Variants in RPRD1B observed in about 807,000 individuals in gnomAD.
The protein encoded by RPRD1B is regulation of nuclear pre-mRNA domain-containing protein 1B.
In RPRD1B, 11 loss-of-function variants were observed where a neutral mutation model predicts 41.5. The observed-to-expected ratio is 0.27, with a 90% CI of 0.17 to 0.44. RPRD1B has a LOEUF of 0.44. RPRD1B is among the 20% of genes least tolerant of loss of function. The pLI is 1.00. For missense variants in RPRD1B, 248 were observed against 389.9 expected (o/e 0.64, Z 3.06); for synonymous variants, 158 against 155.6 (o/e 1.02, Z -0.12).
At chr20:38,062,831 C>T (rs1465677247) in intron 5 of RPRD1B, among the ~76,000 whole-genome samples, 3 of 93,014 alleles carry the variant, frequency 3.2e-5, no homozygotes, top group East Asian at 3.7e-4. Flanking sequence ...AGCCAGAGCC[C>T]CCCCCCCTTT....
chr20:38,062,489 A>G (rs969372114), intron 5 of RPRD1B, among the ~76,000 whole-genome samples: 5 of 152,056 alleles, frequency 3.3e-5, no homozygotes, highest in Non-Finnish European at 7.4e-5. Context: ...TCTGCCCCAC[A>G]CTGAACTTCT....
Position 38,056,450 on chromosome 20 carries a change from G to A in RPRD1B, c.416-1082G>A, listed in dbSNP as rs149356883. Among the ~76,000 whole-genome samples the A allele has an allele frequency of 3.2e-4, 49 of 152,308 alleles. 1 individual carries two copies. In the East Asian group the frequency reaches 7.7e-3, roughly 24 times the overall value. On this transcript the variant is annotated intron_variant, in intron 3 of 6. Transcript: ENST00000373433. ...GACCTGGCTTTCACTTCAAACGTGA[G>A]TTTGGTCAGTTAGTATATGATGTAT...
chr20:38,044,795 G>C (rs2074104924), intron 2 of RPRD1B, among the ~76,000 whole-genome samples: 1 of 152,158 alleles, frequency 6.6e-6, no homozygotes, highest in South Asian at 2.1e-4. Context: ...CTTCCCTAAG[G>C]GTAGCAGTCT....
At position 38,090,185 on chromosome 20, in the gene RPRD1B, A is replaced by C. The variant is rs2074600975; in HGVS notation, c.*310A>C. 1.9e-6 allele frequency: 2 copies of C among 1,046,214 alleles called. No homozygotes were observed. Among genetic ancestry groups the C allele is most frequent in the African/African-American group, 3.3e-5 (2 of 59,984 alleles). The allele number at this position is 1,046,214 out of a possible 1,614,324, so 64.8% of individuals were successfully genotyped here. ...GTCTCCTTATACCTAAGAAGTTATGAAAATCATGTGTACTTCTGGAAGCTT... is the reference window on the plus strand; with the variant it reads ...GTCTCCTTATACCTAAGAAGTTATGCAAATCATGTGTACTTCTGGAAGCTT... On this transcript the variant is annotated 3_prime_UTR_variant, in exon 7 of 7. Transcript: ENST00000373433.
At chr20:38,038,494 T>TG (rs57195367) in intron 1 of RPRD1B, among the ~76,000 whole-genome samples, 20,146 of 122,530 alleles carry the variant, frequency 0.16, 1,617 homozygotes, top group African/African-American at 0.27. Flanking sequence ...TGTTTTGTTT[T>TG]TTTTTTTTTT....
At chr20:38,075,308 G>GA (rs2074448773) in intron 6 of RPRD1B, among the ~76,000 whole-genome samples, 1 of 152,192 alleles carries the variant, frequency 6.6e-6, no homozygotes, top group Admixed American at 6.5e-5. Context: ...ACAAGTTAAG[G>GA]ATTAGTCTTT....
intron 4 of RPRD1B, 134 bp from the exon 5 acceptor site, chr20:38,059,259 GC>G: frequency 1.2e-6 from 1 of 867,040 alleles, no homozygotes; most frequent in Non-Finnish European, 1.7e-6. Flanking sequence ...AAGCTCTGGG[GC>G]TAAGAACAGT....
Position 38,092,328 on chromosome 20 carries a change from A to T in RPRD1B, c.*2453A>T. On this transcript the variant is annotated 3_prime_UTR_variant, in exon 7 of 7. Coordinates refer to ENST00000373433, the MANE Select transcript of RPRD1B (RefSeq NM_021215.4). Reference sequence around the variant, plus strand: ...CAGTATATTCTGAAATGTCTCATAGATATATATTTTTGAATAAAGATGGTG... The same window carrying T: ...CAGTATATTCTGAAATGTCTCATAGTTATATATTTTTGAATAAAGATGGTG... 1 of 984,366 alleles carries T rather than the reference A, an allele frequency of 1.0e-6. No individual in the cohort carries two copies. The highest frequency in any genetic ancestry group is 1.2e-6 in the Non-Finnish European group (1 of 828,674). The allele number at this position is 984,366 out of a possible 1,614,324, so 61.0% of individuals were successfully genotyped here.
intron 6 of RPRD1B, among the ~76,000 whole-genome samples, chr20:38,072,483 T>C (rs188876462): frequency 6.6e-6 from 1 of 152,370 alleles, no homozygotes; most frequent in East Asian, 1.9e-4. Context: ...AGTATTGTTT[T>C]GGCTATTTAG....
At chr20:38,061,645 C>T (rs148640700) in intron 5 of RPRD1B, among the ~76,000 whole-genome samples, 1 of 152,268 alleles carries the variant, frequency 6.6e-6, no homozygotes, top group Non-Finnish European at 1.5e-5. Context: ...CCTCATTTCT[C>T]TGTTCTTTTT....
In RPRD1B at chr20:38,091,595, A is replaced by C. The variant is rs2074612200; in HGVS notation, c.*1720A>C. On this transcript the variant is annotated 3_prime_UTR_variant, in exon 7 of 7. Coordinates refer to ENST00000373433, the MANE Select transcript of RPRD1B (RefSeq NM_021215.4). ...GTGACATCACTAAAATTGCAAGATA[A>C]ATTGTAATCTTTGCTGCTGCTGCAC... 1 of 985,286 alleles carries C rather than the reference A, an allele frequency of 1.0e-6. No homozygotes were observed. The highest frequency in any genetic ancestry group is 4.7e-5 in the South Asian group (1 of 21,294). The allele number at this position is 985,286 out of a possible 1,614,324, so 61.0% of individuals were successfully genotyped here. A position where few individuals can be genotyped will look rare whatever the true frequency, so the allele number is the denominator to read the frequency against.
chr20:38,089,602 A>G (rs1414089889), intron 6 of RPRD1B, 124 bp from the exon 7 acceptor site: 7 of 720,294 alleles, frequency 9.7e-6, no homozygotes, highest in African/African-American at 1.8e-5. Flanking sequence ...ATAGCTGAAC[A>G]GGGTGGGCAG....
intron 1 of RPRD1B, among the ~76,000 whole-genome samples, chr20:38,039,632 G>A (rs754014832): frequency 7.9e-5 from 12 of 151,886 alleles, no homozygotes; most frequent in Admixed American, 3.3e-4. Flanking sequence ...TCAAACTCCC[G>A]ACCTCAGGTG....
intron 6 of RPRD1B, among the ~76,000 whole-genome samples, chr20:38,077,517 T>A (rs976921626): frequency 2.0e-5 from 3 of 152,166 alleles, no homozygotes; most frequent in African/African-American, 7.2e-5. Flanking sequence ...TGCTTTGGCC[T>A]CCTTGTCACA....
intron 6 of RPRD1B, among the ~76,000 whole-genome samples, chr20:38,082,006 C>T (rs2074516756): frequency 6.6e-6 from 1 of 152,110 alleles, no homozygotes; most frequent in African/African-American, 2.4e-5. Context: ...GGATATTGGC[C>T]TGAAGTTTTC....
intron 6 of RPRD1B, among the ~76,000 whole-genome samples, chr20:38,073,775 G>T (rs1414069079): frequency 6.6e-6 from 1 of 152,174 alleles, no homozygotes; most frequent in East Asian, 1.9e-4. Context: ...TGTCATTTTA[G>T]GTAAGAGCCC....
chr20:38,059,329 T>G (rs2074273567), intron 4 of RPRD1B, 65 bp from the exon 5 acceptor site: 1 of 1,503,124 alleles, frequency 6.7e-7, no homozygotes, highest in African/African-American at 1.4e-5. Context: ...CTCATTTAAC[T>G]CCAACTAATT....
intron 1 of RPRD1B, among the ~76,000 whole-genome samples, chr20:38,035,829 A>G (rs565537473): frequency 9.9e-4 from 149 of 149,952 alleles, no homozygotes; most frequent in Non-Finnish European, 1.8e-3. Context: ...CAGTGGTGCG[A>G]TCTCAGCTCA....
intron 6 of RPRD1B, among the ~76,000 whole-genome samples, chr20:38,086,307 C>T (rs1433233291): frequency 2.6e-5 from 4 of 152,144 alleles, no homozygotes; most frequent in Non-Finnish European, 5.9e-5. Context: ...GCCATGAATT[C>T]GAGCCTGCTT....
Sources: allele counts gnomAD v4.1 joint callset (sites outside exome capture counted in the v4.1 genomes callset), GRCh38; gene constraint gnomAD v4.1.1; transcripts MANE v1.5; gene names NCBI Gene and HGNC (gene_info 2026-07-23, HGNC 2026-07-21).